The following RXYLT1 variants were observed in gnomAD, a reference collection of about 807,000 sequenced individuals.
RXYLT1 encodes ribitol-5-phosphate xylosyltransferase 1.
A neutral mutation model predicts 43.5 loss-of-function variants in RXYLT1; 41 were observed. The observed-to-expected ratio is 0.94, with a 90% CI of 0.73 to 1.22. The LOEUF (loss-of-function observed/expected upper bound fraction) is 1.22. Among genes scored for constraint, RXYLT1 ranks in the 50% most tolerant of loss-of-function variants. The probability of loss-of-function intolerance (pLI) is 0.00; values close to 1 mark genes in which losing one functional copy is unlikely to be tolerated. For missense variants in RXYLT1, 514 were observed against 532.0 expected, an observed-to-expected ratio of 0.97 and a Z score of 0.33; for synonymous variants, 166 against 194.4, an observed-to-expected ratio of 0.85 and a Z score of 1.21.
rs1276142764 is a variant in RXYLT1, at chr12:63,801,424, ACT to A, written c.429-666_429-665del. On this transcript the variant is annotated intron_variant, in intron 3 of 5. Coordinates refer to ENST00000261234, the MANE Select transcript of RXYLT1 (RefSeq NM_014254.3). The stretch of plus-strand genomic sequence containing the variant: ...GACTTTAAATGCCTTTCTGGTTTGA[ACT>A]AAACCATTATTTTACAGAGTTCCAT... Among the ~76,000 whole-genome samples the A allele has an allele frequency of 1.3e-4, 20 of 152,310 alleles. 1 individual carries two copies. The highest frequency in any genetic ancestry group is 4.8e-4 in the African/African-American group (20 of 41,578).
intron 3 of RXYLT1, among the ~76,000 whole-genome samples, chr12:63,787,635 GTT>G (rs111363436): frequency 1.3e-5 from 2 of 148,706 alleles, no homozygotes; most frequent in African/African-American, 4.9e-5. Flanking sequence ...GTTGTTTGTT[GTT>G]TTTTTTTTGA....
At chr12:63,792,229 G>C (rs1897932620) in intron 3 of RXYLT1, among the ~76,000 whole-genome samples, 2 of 152,178 alleles carry the variant, frequency 1.3e-5, no homozygotes, top group Non-Finnish European at 2.9e-5. Context: ...GAACTGATGA[G>C]CTAAGCAGTG....
chr12:63,801,547 T>C (rs1898158676), intron 3 of RXYLT1, among the ~76,000 whole-genome samples: 1 of 152,174 alleles, frequency 6.6e-6, no homozygotes, highest in Non-Finnish European at 1.5e-5. Flanking sequence ...AGGTCAGGCA[T>C]GGTGGTTCAT....
At position 63,785,115 on chromosome 12, in the gene RXYLT1, T is replaced by C. The variant is rs1897772092; in HGVS notation, c.428+43T>C. On this transcript the variant is annotated intron_variant, in intron 3 of 5. Transcript: ENST00000261234. ...TGTGCAACATTAACCTTTGATGTTT[T>C]GCTCTGCAATATTTTCTGTAAATAC... 2.1e-6 allele frequency: 3 copies of C among 1,403,282 alleles called. No individual in the cohort carries two copies. The East Asian group carries it at 7.0e-5, about 33-fold the overall frequency. The allele number at this position is 1,403,282 out of a possible 1,614,324, so 86.9% of individuals were successfully genotyped here. A position where few individuals can be genotyped will look rare whatever the true frequency, so the allele number is the denominator to read the frequency against.
intron 2 of RXYLT1, 148 bp downstream of exon 2, chr12:63,781,322 C>A: frequency 1.3e-6 from 1 of 776,076 alleles, no homozygotes; most frequent in Non-Finnish European, 1.9e-6. Context: ...TAATTCCTTT[C>A]TCCTTCCAAT....
In RXYLT1 at chr12:63,808,721, G is replaced by A; in HGVS notation, c.961G>A (p.Ala321Thr). The change falls in exon 6 of 6, where the codon GCC becomes ACC. Residue 321 changes from alanine (A) to threonine (T), a missense_variant. By Grantham distance (58) the Ala-to-Thr change is moderately conservative. Transcript: ENST00000261234. ...TNESLKNYQD[A>T]LLQSDLTLCP... is the part of the protein sequence containing the mutation. ...TGAAAGTCTTAAGAATTACCAAGAT[G>A]CCTTGCTTCAGAGTGATCTCACATT... The A allele has an allele frequency of 6.2e-7, 1 of 1,605,242 alleles. No individual in the cohort carries two copies. The highest frequency in any genetic ancestry group is 8.5e-7 in the Non-Finnish European group (1 of 1,178,210).
chr12:63,787,079 C>T (rs1301796388), intron 3 of RXYLT1, among the ~76,000 whole-genome samples: 1 of 152,038 alleles, frequency 6.6e-6, no homozygotes, highest in Non-Finnish European at 1.5e-5. Flanking sequence ...TGCCACTGCC[C>T]TCCAACCCCG....
At chr12:63,797,798 G>A (rs1193160791) in intron 3 of RXYLT1, among the ~76,000 whole-genome samples, 1 of 152,158 alleles carries the variant, frequency 6.6e-6, no homozygotes, top group Non-Finnish European at 1.5e-5. Context: ...GACCAAGTAG[G>A]AGATTGGAAG....
chr12:63,783,058 A>G (rs1285570172), intron 2 of RXYLT1, among the ~76,000 whole-genome samples: 1 of 152,220 alleles, frequency 6.6e-6, no homozygotes, highest in Non-Finnish European at 1.5e-5. Context: ...ATGTAACTGC[A>G]GGATACAATC....
Position 63,808,788 on chromosome 12 carries a change from A to AGGCTTGC in RXYLT1, c.1029_1035dup (p.Ser346GlyfsTer66). On this transcript the variant is annotated frameshift_variant, in exon 6 of 6. Coordinates refer to ENST00000261234, the MANE Select transcript of RXYLT1 (RefSeq NM_014254.3). LOFTEE classifies it high-confidence loss of function. ...AACACAGAATGCTATCGAATCTATGAGGCTTGCTCCTATGGCTCCATTCCT... is the reference window on the plus strand; with the variant it reads ...AACACAGAATGCTATCGAATCTATGAGGCTTGCGGCTTGCTCCTATGGCTCCATTCCT... 6.2e-7 allele frequency: 1 copy of AGGCTTGC among 1,613,586 alleles called. No individual in the cohort carries two copies.
Position 63,781,210 on chromosome 12 carries a change from C to T in RXYLT1, c.325+36C>T, listed in dbSNP as rs377588524. 2.5e-5 allele frequency: 35 copies of T among 1,392,380 alleles called. No homozygotes were observed. The African/African-American group carries it at 4.7e-4, about 19-fold the overall frequency. 86.3% of individuals were successfully genotyped at this position (1,392,380 alleles called of 1,614,324 possible). A position where few individuals can be genotyped will look rare whatever the true frequency, so the allele number is the denominator to read the frequency against. Reference sequence around the variant, plus strand: ...ACGTAGAAGGAAGACATGTAAAAAGCATTATAAAATGTATTTTATTGATAT... The same window carrying T: ...ACGTAGAAGGAAGACATGTAAAAAGTATTATAAAATGTATTTTATTGATAT... On this transcript the variant is annotated intron_variant, in intron 2 of 5. Coordinates refer to ENST00000261234, the MANE Select transcript of RXYLT1 (RefSeq NM_014254.3).
rs548659414 is a variant in RXYLT1 at position 63,803,054 on chromosome 12, T to TA, written c.743+650dup. The stretch of plus-strand genomic sequence containing the variant: ...CCGGGCATGGTGACATGGACTCCTG[T>TA]ATGGCGCCTCTAGTCCTAGCTACTC... On this transcript the variant is annotated intron_variant, in intron 4 of 5. Coordinates refer to ENST00000261234, the MANE Select transcript of RXYLT1 (RefSeq NM_014254.3). Among the ~76,000 whole-genome samples, 16 of 150,946 alleles carry TA rather than the reference T, an allele frequency of 1.1e-4. No individual in the cohort carries two copies. The South Asian group carries it at 2.5e-3, about 24-fold the overall frequency.
chr12:63,808,726 G>C lies in RXYLT1; in HGVS notation c.966G>C (p.Leu322Phe). ...GTCTTAAGAATTACCAAGATGCCTT[G>C]CTTCAGAGTGATCTCACATTGTGCC... ...NESLKNYQDA[L>F]LQSDLTLCPV... Residue 322 changes from leucine to phenylalanine, a missense_variant, in exon 6 of 6, where the codon TTG (leucine) becomes TTC (phenylalanine). By Grantham distance (22) the Leu-to-Phe change is conservative (BLOSUM62 0). Transcript: ENST00000261234. The C allele has an allele frequency of 6.2e-7, 1 of 1,609,098 alleles. No homozygotes were observed. The highest frequency in any genetic ancestry group is 8.5e-7 in the Non-Finnish European group (1 of 1,179,038).
chr12:63,780,007 A>C lies in RXYLT1; in HGVS notation c.47A>C (p.Tyr16Ser), dbSNP rs1200275604. ...KRLCSFLIAL[Y>S]CLFSLYAAYH... ...CTCTGCTCGTTTCTTATCGCCCTGT[A>C]CTGCCTATTCTCCCTCTACGCTGCC... Residue 16 changes from tyrosine (Y) to serine (S), a missense_variant, in exon 1 of 6, where the codon TAC (tyrosine) becomes TCC (serine). Coordinates refer to ENST00000261234, the MANE Select transcript of RXYLT1 (RefSeq NM_014254.3). 1 of 1,610,600 alleles carries C rather than the reference A, an allele frequency of 6.2e-7. No homozygotes were observed. Among genetic ancestry groups the C allele is most frequent in the East Asian group, 2.2e-5 (1 of 44,654 alleles).
At chr12:63,797,818 G>A (rs940968733) in intron 3 of RXYLT1, among the ~76,000 whole-genome samples, 1 of 152,166 alleles carries the variant, frequency 6.6e-6, no homozygotes, top group African/African-American at 2.4e-5. Flanking sequence ...GTATCCCACA[G>A]AGATAAAACT....
chr12:63,797,819 A>C (rs1234710254), intron 3 of RXYLT1, among the ~76,000 whole-genome samples: 1 of 152,180 alleles, frequency 6.6e-6, no homozygotes, highest in Non-Finnish European at 1.5e-5. Flanking sequence ...TATCCCACAG[A>C]GATAAAACTA....
At chr12:63,784,942 T>G (rs1321360428) in intron 2 of RXYLT1, 28 bp from the exon 3 acceptor site, 6 of 1,591,420 alleles carry the variant, frequency 3.8e-6, no homozygotes, top group Non-Finnish European at 5.2e-6. Flanking sequence ...TAAATTGTTT[T>G]GATTTTGTTT....
At chr12:63,790,621 C>T in intron 3 of RXYLT1, 1 of 152,444 alleles carries the variant, frequency 6.6e-6, no homozygotes, top group Non-Finnish European at 1.5e-5. Context: ...CTCCCGGGTT[C>T]AAACGATTCT....
At chr12:63,792,524 G>T (rs1397826579) in intron 3 of RXYLT1, among the ~76,000 whole-genome samples, 1 of 152,214 alleles carries the variant, frequency 6.6e-6, no homozygotes, top group East Asian at 1.9e-4. Flanking sequence ...TTCCAGCCTG[G>T]CAGAGTAAAC....
Sources: allele counts gnomAD v4.1 joint callset (sites outside exome capture counted in the v4.1 genomes callset), GRCh38; gene constraint gnomAD v4.1.1; transcripts MANE v1.5; gene names NCBI Gene and HGNC (gene_info 2026-07-23, HGNC 2026-07-21).